The following JAKMIP2 variants were observed in gnomAD, a reference collection of about 807,000 sequenced individuals.
JAKMIP2 encodes janus kinase and microtubule-interacting protein 2.
JAKMIP2 carries 25 observed loss-of-function variants against 115.0 expected under a neutral mutation model. The ratio of observed to expected loss-of-function variants is 0.22; its 90% CI spans 0.16 to 0.30. JAKMIP2 has a LOEUF of 0.30. Ranked by LOEUF, JAKMIP2 falls within the 10% of genes least tolerant of loss-of-function variation. JAKMIP2 has a pLI of 1.00. For synonymous variants in JAKMIP2, 334 were observed against 343.6 expected, an observed-to-expected ratio of 0.97 and a Z score of 0.31; for missense variants, 642 against 957.6, an observed-to-expected ratio of 0.67 and a Z score of 4.35.
chr5:147,592,980 G>C (rs1261883948), intron 21 of JAKMIP2, among the ~76,000 whole-genome samples: 1 of 152,156 alleles, frequency 6.6e-6, no homozygotes, highest in Non-Finnish European at 1.5e-5. Context: ...AGTGGTCGGG[G>C]AGAGATCACA....
intron 1 of JAKMIP2, among the ~76,000 whole-genome samples, chr5:147,718,291 T>C (rs918468955): frequency 6.7e-6 from 1 of 150,012 alleles, no homozygotes; most frequent in Non-Finnish European, 1.5e-5. Flanking sequence ...TCATCAAGGA[T>C]ATTGGTCTAA....
intron 20 of JAKMIP2, among the ~76,000 whole-genome samples, chr5:147,602,451 T>C (rs974288955): frequency 6.6e-6 from 1 of 152,168 alleles, no homozygotes; most frequent in African/African-American, 2.4e-5. Context: ...GTCATGCTAT[T>C]GGTATAAAAC....
At chr5:147,729,470 G>C (rs1223981561) in intron 1 of JAKMIP2, among the ~76,000 whole-genome samples, 1 of 152,032 alleles carries the variant, frequency 6.6e-6, no homozygotes, top group Non-Finnish European at 1.5e-5. Context: ...GTTAGATGTT[G>C]TCACATAAAA....
intron 1 of JAKMIP2, among the ~76,000 whole-genome samples, chr5:147,777,628 TA>T (rs974134132): frequency 2.7e-5 from 4 of 146,990 alleles, no homozygotes; most frequent in Admixed American, 6.6e-5. Flanking sequence ...TTTTTAAATA[TA>T]AAAAAAACTT....
At chr5:147,742,155 A>ATATATATATATTTT in intron 1 of JAKMIP2, among the ~76,000 whole-genome samples, 7 of 108,884 alleles carry the variant, frequency 6.4e-5, no homozygotes, top group African/African-American at 2.7e-4. Context: ...ATATATATAT[A>ATATATATATATTTT]TTTTTTTTAC....
chr5:147,599,444 A>G (rs1261445899), intron 21 of JAKMIP2, among the ~76,000 whole-genome samples: 6 of 152,204 alleles, frequency 3.9e-5, no homozygotes, highest in African/African-American at 7.2e-5. Context: ...TGCATATGCA[A>G]TATATTTATT....
At chr5:147,626,950 GT>G (rs1263456305) in intron 16 of JAKMIP2, among the ~76,000 whole-genome samples, 2 of 152,114 alleles carry the variant, frequency 1.3e-5, no homozygotes, top group Non-Finnish European at 2.9e-5. Context: ...CACAGACTGT[GT>G]TTTTTTCATC....
intron 1 of JAKMIP2, among the ~76,000 whole-genome samples, chr5:147,762,546 C>T (rs1754964995): frequency 6.6e-6 from 1 of 151,980 alleles, no homozygotes; most frequent in Admixed American, 6.6e-5. Flanking sequence ...TTGCTGTGTC[C>T]TCACATGGCC....
At chr5:147,710,816 T>C (rs1284765160) in intron 1 of JAKMIP2, among the ~76,000 whole-genome samples, 1 of 152,206 alleles carries the variant, frequency 6.6e-6, no homozygotes, top group Non-Finnish European at 1.5e-5. Flanking sequence ...GAAATCTTAA[T>C]TACATTATGC....
intron 1 of JAKMIP2, among the ~76,000 whole-genome samples, chr5:147,675,062 G>C (rs1348398713): frequency 6.6e-6 from 1 of 152,176 alleles, no homozygotes. Flanking sequence ...TGTAAATAAT[G>C]ACTATGAGTT....
At chr5:147,704,124 T>C (rs1424365001) in intron 1 of JAKMIP2, among the ~76,000 whole-genome samples, 1 of 152,112 alleles carries the variant, frequency 6.6e-6, no homozygotes. Context: ...TGAGGCTGTC[T>C]TACAGTTAAC....
At chr5:147,624,114 C>A (rs182464752) in intron 16 of JAKMIP2, among the ~76,000 whole-genome samples, 3 of 152,056 alleles carry the variant, frequency 2.0e-5, no homozygotes, top group Non-Finnish European at 4.4e-5. Context: ...ATTATAGGTG[C>A]GAGCCACCGT....
At position 147,617,897 on chromosome 5, in the gene JAKMIP2, G is replaced by T; in HGVS notation, c.2346+14C>A. ...AGTACTAACCCTACGCAGAGGCAGT[G>T]ACTCAGTCCTCACCTGATGGGCTTG... On this transcript the variant is annotated intron_variant, in intron 19 of 21. Transcript: ENST00000616793. The T allele has an allele frequency of 6.2e-7, 1 of 1,610,456 alleles. No homozygotes were observed. The highest frequency in any genetic ancestry group is 1.1e-5 in the South Asian group (1 of 91,000).
At position 147,736,057 on chromosome 5, in the gene JAKMIP2, C is replaced by T. The variant is rs189463290; in HGVS notation, c.-149+46399G>A. ...CCCATAAATCAACACTCTTTCCTAC[C>T]CTTCATTTTTCAACTAGCTCAAAAA... On this transcript the variant is annotated intron_variant, in intron 1 of 21. Coordinates refer to ENST00000616793, the MANE Select transcript of JAKMIP2 (RefSeq NM_001270941.2). Among the ~76,000 whole-genome samples, 151 of 152,258 alleles carry T rather than the reference C, an allele frequency of 9.9e-4. 1 individual carries two copies. The highest frequency in any genetic ancestry group is 1.1e-3 in the Non-Finnish European group (76 of 68,016).
At chr5:147,626,445 T>C (rs1757101983) in intron 16 of JAKMIP2, among the ~76,000 whole-genome samples, 1 of 152,198 alleles carries the variant, frequency 6.6e-6, no homozygotes, top group African/African-American at 2.4e-5. Context: ...AGGAGGAGTT[T>C]GGTGCAAGAC....
intron 1 of JAKMIP2, among the ~76,000 whole-genome samples, chr5:147,759,589 TG>T (rs1257496798): frequency 1.3e-5 from 2 of 152,136 alleles, no homozygotes; most frequent in Non-Finnish European, 2.9e-5. Flanking sequence ...TGTGAGGTGC[TG>T]GAGAGCACCT....
In JAKMIP2 at chr5:147,636,986, C is replaced by T. The variant is rs895410207; in HGVS notation, c.1593G>A (p.Ala531=). The T allele has an allele frequency of 3.4e-6, 3 of 872,960 alleles. No homozygotes were observed. Among genetic ancestry groups the T allele is most frequent in the Non-Finnish European group, 2.0e-6 (1 of 501,680 alleles). The allele number at this position is 872,960 out of a possible 1,614,324, so 54.1% of individuals were successfully genotyped here. Residue 531 remains alanine (A), a synonymous_variant, in exon 11 of 22, where the codon GCG becomes GCA. Coordinates refer to ENST00000616793, the MANE Select transcript of JAKMIP2 (RefSeq NM_001270941.2). ...CTACCTGCCCTTTCTGAGCCAGAGT[C>T]GCTTCCAGGTCTTCAATTTTGGCTT... ...RYKAKIEDLE[A]TLAQKGQDSH...
intron 1 of JAKMIP2, among the ~76,000 whole-genome samples, chr5:147,712,441 A>C (rs1752818285): frequency 6.6e-6 from 1 of 151,978 alleles, no homozygotes; most frequent in African/African-American, 2.4e-5. Flanking sequence ...ATTTTTGTAA[A>C]ATTTATTTTG....
At chr5:147,720,940 T>C (rs1163582396) in intron 1 of JAKMIP2, among the ~76,000 whole-genome samples, 1 of 152,266 alleles carries the variant, frequency 6.6e-6, no homozygotes, top group East Asian at 1.9e-4. Context: ...TTTTAGAGTT[T>C]CCAGTTTTTC....
Sources: allele counts gnomAD v4.1 joint callset (sites outside exome capture counted in the v4.1 genomes callset), GRCh38; gene constraint gnomAD v4.1.1; transcripts MANE v1.5; gene names NCBI Gene and HGNC (gene_info 2026-07-23, HGNC 2026-07-21).